The following PPP2CB variants were observed in gnomAD, a reference collection of about 807,000 sequenced individuals.
The protein encoded by PPP2CB is serine/threonine-protein phosphatase 2A catalytic subunit beta isoform.
PPP2CB carries 18 observed loss-of-function variants against 39.1 expected under a neutral mutation model. The observed-to-expected ratio is 0.46, with a 90% CI of 0.32 to 0.68. PPP2CB has a LOEUF of 0.68. Ranked by LOEUF, PPP2CB falls within the 30% of genes least tolerant of loss-of-function variation. The pLI, the probability that PPP2CB is intolerant of heterozygous loss-of-function variation, is 0.04. For missense variants in PPP2CB, 226 were observed against 396.9 expected, an observed-to-expected ratio of 0.57 and a Z score of 3.66; for synonymous variants, 129 against 133.8, an observed-to-expected ratio of 0.96 and a Z score of 0.25.
At chr8:30,786,490 T>C in intron 6 of PPP2CB, 183 bp from the exon 7 acceptor site, 5 of 445,948 alleles carry the variant, frequency 1.1e-5, no homozygotes, top group Non-Finnish European at 1.5e-5. Context: ...AACTGCTTCA[T>C]AGGGCTATGG....
intron 5 of PPP2CB, among the ~76,000 whole-genome samples, chr8:30,791,833 T>C (rs980205306): frequency 2.6e-5 from 4 of 151,704 alleles, no homozygotes; most frequent in Non-Finnish European, 4.4e-5. Flanking sequence ...AATGTATGTG[T>C]ATATACATAT....
chr8:30,793,259 C>G (rs746028038), intron 5 of PPP2CB: 7 of 152,194 alleles, frequency 4.6e-5, no homozygotes, highest in Non-Finnish European at 8.8e-5. Context: ...AATGCTCCTA[C>G]TCTTCCAAAA....
chr8:30,803,937 C>G (rs191399349), intron 1 of PPP2CB, among the ~76,000 whole-genome samples: 20 of 152,202 alleles, frequency 1.3e-4, no homozygotes, highest in Non-Finnish European at 2.5e-4. Flanking sequence ...ATTCTCCTGC[C>G]TTAGCCTCCC....
intron 6 of PPP2CB, among the ~76,000 whole-genome samples, chr8:30,787,550 G>C (rs865988335): frequency 2.0e-5 from 3 of 152,140 alleles, no homozygotes; most frequent in African/African-American, 7.2e-5. Context: ...ATGTTACCCA[G>C]GCTGATCTTG....
chr8:30,801,169 G>A (rs1472185600), intron 1 of PPP2CB, among the ~76,000 whole-genome samples: 1 of 151,608 alleles, frequency 6.6e-6, no homozygotes, highest in Non-Finnish European at 1.5e-5. Context: ...AGCCATGGTC[G>A]CACCACTTTG....
At position 30,794,224 on chromosome 8, in the gene PPP2CB, C is replaced by A; in HGVS notation, c.544G>T (p.Ala182Ser). The A allele has an allele frequency of 6.2e-7, 1 of 1,614,020 alleles. No homozygotes were observed. Among genetic ancestry groups the A allele is most frequent in the Non-Finnish European group, 8.5e-7 (1 of 1,179,944 alleles). The change falls in exon 4 of 7, where the codon GCC becomes TCC. Residue 182 changes from alanine to serine, a missense_variant. By Grantham distance (99) the Ala-to-Ser change is moderately conservative. This residue lies in a region of PPP2CB where 110 missense variants were observed against 244.1 expected (regional missense o/e 0.45). Coordinates refer to ENST00000221138, the MANE Select transcript of PPP2CB (RefSeq NM_001009552.2). ...PSIDTLDHIRALDRLQEVPHE... is the reference protein window; with the variant it reads ...PSIDTLDHIRSLDRLQEVPHE... Reference sequence around the variant, plus strand: ...GGAACTTCCTGTAAACGATCCAGGGCTCTTATATGATCCAGTGTGTCTATG... The same window carrying A: ...GGAACTTCCTGTAAACGATCCAGGGATCTTATATGATCCAGTGTGTCTATG...
chr8:30,797,853 G>C, intron 2 of PPP2CB, 99 bp from the exon 3 acceptor site: 1 of 1,157,174 alleles, frequency 8.6e-7, no homozygotes, highest in South Asian at 1.5e-5. Context: ...CGGCGCTTTT[G>C]GCCACCAGTA....
intron 5 of PPP2CB, 171 bp from the exon 6 acceptor site, chr8:30,791,486 C>T: frequency 1.8e-6 from 1 of 553,350 alleles, no homozygotes; most frequent in Non-Finnish European, 3.1e-6. Context: ...GTAAAGAATA[C>T]TGTGCAATTC....
At chr8:30,799,516 GAA>G (rs763356291) in intron 2 of PPP2CB, 28 bp downstream of exon 2, 6 of 1,558,972 alleles carry the variant, frequency 3.8e-6, no homozygotes, top group Non-Finnish European at 5.3e-6. Flanking sequence ...TTTAAATCTT[GAA>G]AAAAAAATTG....
Position 30,785,931 on chromosome 8 carries a change from A to T in PPP2CB, c.*304T>A. ...TAACTAAAATTTCCAAATAAGCGCA[A>T]AAGGAGATGAAGCAGTTAGTTACCT... On this transcript the variant is annotated 3_prime_UTR_variant, in exon 7 of 7. Coordinates refer to ENST00000221138, the MANE Select transcript of PPP2CB (RefSeq NM_001009552.2). 1 of 519,478 alleles carries T rather than the reference A, an allele frequency of 1.9e-6. No homozygotes were observed. The highest frequency in any genetic ancestry group is 2.9e-4 in the Middle Eastern group (1 of 3,410). 32.2% of individuals were successfully genotyped at this position (519,478 alleles called of 1,614,324 possible). A position where few individuals can be genotyped will look rare whatever the true frequency, so the allele number is the denominator to read the frequency against.
intron 5 of PPP2CB, among the ~76,000 whole-genome samples, chr8:30,791,963 T>C (rs964807331): frequency 2.2e-4 from 30 of 137,104 alleles, no homozygotes; most frequent in African/African-American, 8.4e-4. Context: ...CATATATGTA[T>C]ACGTGTGTAT....
intron 1 of PPP2CB, chr8:30,810,000 C>G (rs1192262584): frequency 6.6e-6 from 1 of 151,664 alleles, no homozygotes; most frequent in Non-Finnish European, 1.5e-5. Flanking sequence ...CTGTGAAGTC[C>G]TAGGAACTGT....
intron 1 of PPP2CB, among the ~76,000 whole-genome samples, chr8:30,800,543 G>A (rs1005946117): frequency 3.3e-5 from 5 of 152,146 alleles, no homozygotes; most frequent in African/African-American, 1.2e-4. Context: ...ACCATTAGGT[G>A]GCCCTGAAGT....
chr8:30,812,581 G>C lies in PPP2CB; in HGVS notation c.-160C>G, dbSNP rs1387047049. On this transcript the variant is annotated 5_prime_UTR_variant, in exon 1 of 7. Coordinates refer to ENST00000221138, the MANE Select transcript of PPP2CB (RefSeq NM_001009552.2). The stretch of plus-strand genomic sequence containing the variant: ...GACTGAGCCGGGTAGGGCGGCCGCG[G>C]GCCCCGCGCCCCGCCCAAGCCCAGC... 2.7e-6 allele frequency: 1 copy of C among 375,110 alleles called. No homozygotes were observed. The highest frequency in any genetic ancestry group is 4.8e-5 in the East Asian group (1 of 21,008). 23.2% of individuals were successfully genotyped at this position (375,110 alleles called of 1,614,324 possible).
chr8:30,805,910 G>C (rs1322425480), intron 1 of PPP2CB, among the ~76,000 whole-genome samples: 2 of 152,104 alleles, frequency 1.3e-5, no homozygotes, highest in East Asian at 3.8e-4. Flanking sequence ...AGTTTACAAG[G>C]AATGATGATA....
rs971909726 is a variant in PPP2CB at position 30,812,616 on chromosome 8, C to A, written c.-195G>T. On this transcript the variant is annotated 5_prime_UTR_variant, in exon 1 of 7. Coordinates refer to ENST00000221138, the MANE Select transcript of PPP2CB (RefSeq NM_001009552.2). The stretch of plus-strand genomic sequence containing the variant: ...CCCGCCCAAGCCCAGCAGGCGGCTC[C>A]GAGCGCGCAGCCTGGAGGAGACCCC... The A allele has an allele frequency of 2.1e-5, 7 of 335,686 alleles. No homozygotes were observed. Among genetic ancestry groups the A allele is most frequent in the South Asian group, 8.2e-5 (1 of 12,164 alleles). The allele number at this position is 335,686 out of a possible 1,614,324, so 20.8% of individuals were successfully genotyped here.
chr8:30,790,604 G>A (rs373903551), intron 6 of PPP2CB, among the ~76,000 whole-genome samples: 1 of 152,170 alleles, frequency 6.6e-6, no homozygotes, highest in Admixed American at 6.5e-5. Flanking sequence ...AGCAGGTGCT[G>A]GGGTAACAGC....
At position 30,799,713 on chromosome 8, in the gene PPP2CB, G is replaced by A. The variant is rs771311551; in HGVS notation, c.145C>T (p.Arg49Cys). The change falls in exon 2 of 7, where the codon CGT becomes TGT. Residue 49 changes from arginine (R) to cysteine (C), a missense_variant. Around this residue, in one of 4 missense-constraint regions of PPP2CB, gnomAD observed 110 missense variants for 244.1 expected, o/e 0.45. Coordinates refer to ENST00000221138, the MANE Select transcript of PPP2CB (RefSeq NM_001009552.2). ...TCTCCACAGACAGTAACAGGGCAAC[G>A]AACCTCTTGCACATTTGATTCTTTT... ...LTKESNVQEV[R>C]CPVTVCGDVH... 2.5e-6 allele frequency: 4 copies of A among 1,614,026 alleles called. No individual in the cohort carries two copies. The highest frequency in any genetic ancestry group is 1.3e-5 in the African/African-American group (1 of 75,038).
intron 1 of PPP2CB, among the ~76,000 whole-genome samples, chr8:30,804,508 T>G (rs2128762333): frequency 6.6e-6 from 1 of 152,318 alleles, no homozygotes; most frequent in South Asian, 2.1e-4. Context: ...ACTCTGCCCT[T>G]ATGAGTCTTT....
Sources: allele counts gnomAD v4.1 joint callset (sites outside exome capture counted in the v4.1 genomes callset), GRCh38; gene constraint gnomAD v4.1.1; regional missense constraint gnomAD v4.1.1; transcripts MANE v1.5; gene names NCBI Gene and HGNC (gene_info 2026-07-23, HGNC 2026-07-21).